Variants in DUOX1 observed in about 807,000 individuals in gnomAD.
DUOX1 encodes the protein dual oxidase 1.
DUOX1 carries 134 observed loss-of-function variants against 181.8 expected under a neutral mutation model. The ratio of observed to expected loss-of-function variants is 0.74; its 90% CI spans 0.64 to 0.85. The LOEUF (loss-of-function observed/expected upper bound fraction) is 0.85, where lower values mean the gene tolerates loss of function less well. Ranked by LOEUF, DUOX1 falls within the 40% of genes least tolerant of loss-of-function variation. The pLI, the probability that DUOX1 is intolerant of heterozygous loss-of-function variation, is 0.00. For synonymous variants in DUOX1, 798 were observed against 832.5 expected, an observed-to-expected ratio of 0.96 and a Z score of 0.71; for missense variants, 1,814 against 2,064.4, an observed-to-expected ratio of 0.88 and a Z score of 2.35.
chr15:45,159,622 T>C (rs1260900291), intron 28 of DUOX1, among the ~76,000 whole-genome samples: 1 of 152,114 alleles, frequency 6.6e-6, no homozygotes, highest in Non-Finnish European at 1.5e-5. Flanking sequence ...ACAAACTTAT[T>C]AGGGAAAGGA....
intron 12 of DUOX1, 94 bp downstream of exon 12, chr15:45,139,693 A>C: frequency 7.3e-7 from 1 of 1,365,288 alleles, no homozygotes; most frequent in Non-Finnish European, 9.8e-7. Flanking sequence ...TGAGCACAAG[A>C]GACAAGCACC....
At chr15:45,161,415 CA>C (rs35506541) in intron 29 of DUOX1, among the ~76,000 whole-genome samples, 1,729 of 47,748 alleles carry the variant, frequency 0.036, 11 homozygotes, top group African/African-American at 0.084. Flanking sequence ...GAGACTGTGT[CA>C]AAAAAAAAAA....
rs368334373 is a variant in DUOX1, at chr15:45,162,351, G to A, written c.4222G>A (p.Val1408Ile). 5.1e-5 allele frequency: 83 copies of A among 1,613,890 alleles called. No homozygotes were observed. Among genetic ancestry groups the A allele is most frequent in the East Asian group, 6.7e-5 (3 of 44,882 alleles). The part of the protein sequence containing the change: ...ILKDLVFKSS[V>I]SCQVFCKKIY... ...CAAAGACCTGGTCTTCAAGTCATCC[G>A]TCAGCTGCCAAGTGTTCTGTAAGAA... is the stretch of plus-strand genomic sequence containing the variant. The change falls in exon 31 of 34, where the codon GTC (valine) becomes ATC (isoleucine). Residue 1408 changes from valine (V) to isoleucine (I), a missense_variant. This residue lies in a region of DUOX1 where 279 missense variants were observed against 381.9 expected (regional missense o/e 0.73). Transcript: ENST00000389037.
chr15:45,139,010 C>G (rs1453331768), intron 10 of DUOX1, 56 bp from the exon 11 acceptor site: 1 of 1,513,076 alleles, frequency 6.6e-7, no homozygotes, highest in Non-Finnish European at 9.0e-7. Context: ...AGCCGGCTGT[C>G]TAACCTCTGA....
In DUOX1 at chr15:45,135,634, C is replaced by T. The variant is rs202192396; in HGVS notation, c.656C>T (p.Pro219Leu). 347 of 1,545,750 alleles carry T rather than the reference C, an allele frequency of 2.2e-4. 1 individual carries two copies. The highest frequency in any genetic ancestry group is 2.9e-4 in the Non-Finnish European group (327 of 1,146,024). Reference sequence around the variant, plus strand: ...AACCCCCTGCTCATGTGGGCGGCGCCCGACCCCGCCACCGGGCAGAACGGG... The same window carrying T: ...AACCCCCTGCTCATGTGGGCGGCGCTCGACCCCGCCACCGGGCAGAACGGG... ...SQNPLLMWAA[P>L]DPATGQNGPR... The change falls in exon 6 of 34, where the codon CCC (proline) becomes CTC (leucine). Residue 219 changes from proline to leucine, a missense_variant. By Grantham distance (98) the Pro-to-Leu change is moderately conservative. Coordinates refer to ENST00000389037, the MANE Select transcript of DUOX1 (RefSeq NM_175940.3).
rs1896417247 is a variant in DUOX1 at position 45,139,035 on chromosome 15, C to A, written c.1114-31C>A. 1.9e-6 allele frequency: 3 copies of A among 1,599,252 alleles called. No individual in the cohort carries two copies. In the African/African-American group the frequency reaches 4.0e-5, roughly 21 times the overall value. ...CTAACCTCTGACCCCATTAACCACACCCCTTTCCTCCCCACCCCCAACCTA... is the reference window on the plus strand; with the variant it reads ...CTAACCTCTGACCCCATTAACCACAACCCTTTCCTCCCCACCCCCAACCTA... On this transcript the variant is annotated intron_variant, in intron 10 of 33. Transcript: ENST00000389037.
At chr15:45,141,755 T>C (rs897567771) in intron 14 of DUOX1, among the ~76,000 whole-genome samples, 14 of 36,300 alleles carry the variant, frequency 3.9e-4, no homozygotes, top group African/African-American at 1.5e-3. Flanking sequence ...GGGAAGCGTG[T>C]GTGTGTGTGT....
chr15:45,164,170 C>G (rs1447921384), intron 33 of DUOX1, among the ~76,000 whole-genome samples: 2 of 152,058 alleles, frequency 1.3e-5, no homozygotes, highest in Non-Finnish European at 2.9e-5. Flanking sequence ...AATCATTGAG[C>G]TAGTCCTCGC....
intron 33 of DUOX1, among the ~76,000 whole-genome samples, chr15:45,164,137 G>GTA (rs1897172670): frequency 2.6e-5 from 4 of 152,172 alleles, no homozygotes; most frequent in Admixed American, 2.6e-4. Flanking sequence ...AAGCCAAGAT[G>GTA]TATTGTCCAG....
rs767675930 is a variant in DUOX1, at chr15:45,136,403, G to A, written c.918G>A (p.Glu306=). ...LPSFLQKTLP[E]YTGYRPFLDP... ...GCTTCCTGCAGAAAACACTCCCGGA[G>A]TATACAGGTGAGGGAGCGGGGAAGG... The change falls in exon 8 of 34, where the codon GAG becomes GAA. Residue 306 remains glutamate, a synonymous_variant. Coordinates refer to ENST00000389037, the MANE Select transcript of DUOX1 (RefSeq NM_175940.3). 9.9e-6 allele frequency: 16 copies of A among 1,614,004 alleles called. No individual in the cohort carries two copies. The highest frequency in any genetic ancestry group is 4.0e-5 in the African/African-American group (3 of 74,922).
At chr15:45,151,617 G>T (rs1896805565) in intron 23 of DUOX1, among the ~76,000 whole-genome samples, 2 of 152,136 alleles carry the variant, frequency 1.3e-5, no homozygotes, top group Non-Finnish European at 2.9e-5. Flanking sequence ...GAGTGTGAAT[G>T]AACACAGGTA....
At chr15:45,151,554 G>A (rs1896803404) in intron 23 of DUOX1, among the ~76,000 whole-genome samples, 2 of 152,168 alleles carry the variant, frequency 1.3e-5, no homozygotes, top group African/African-American at 4.8e-5. Flanking sequence ...AGTAAAGGCT[G>A]AATATGGGCG....
chr15:45,162,177 G>T (rs1423377509), intron 30 of DUOX1, 42 bp from the exon 31 acceptor site: 1 of 1,579,208 alleles, frequency 6.3e-7, no homozygotes, highest in Non-Finnish European at 8.6e-7. Flanking sequence ...CCGATCTATG[G>T]TGGTGGCCAA....
intron 23 of DUOX1, 82 bp downstream of exon 23, chr15:45,151,330 T>C (rs921576834): frequency 1.9e-6 from 3 of 1,539,970 alleles, no homozygotes; most frequent in African/African-American, 2.7e-5. Context: ...TGCCAGGCAC[T>C]GTGCTAAACA....
chr15:45,145,039 A>G lies in DUOX1; in HGVS notation c.2281A>G (p.Arg761Gly). 1 of 1,613,018 alleles carries G rather than the reference A, an allele frequency of 6.2e-7. No individual in the cohort carries two copies. The highest frequency in any genetic ancestry group is 8.5e-7 in the Non-Finnish European group (1 of 1,179,574). Residue 761 changes from arginine to glycine, a missense_variant, in exon 18 of 34, where the codon AGG becomes GGG. Physicochemically the swap from Arg to Gly is moderately radical, Grantham distance 125 (BLOSUM62 -2). Around this residue, in one of 5 missense-constraint regions of DUOX1, gnomAD observed 1,064 missense variants for 1,152.9 expected, o/e 0.92. Coordinates refer to ENST00000389037, the MANE Select transcript of DUOX1 (RefSeq NM_175940.3). ...AGCAGCTGTGACACGGGAGCAGCGGAGGCACCTCCTGGAGACCTTTTTCAG... is the reference window on the plus strand; with the variant it reads ...AGCAGCTGTGACACGGGAGCAGCGGGGGCACCTCCTGGAGACCTTTTTCAG... ...MRAAVTREQR[R>G]HLLETFFRHL...
Position 45,152,408 on chromosome 15 carries a change from C to T in DUOX1, c.3316C>T (p.Arg1106Cys), listed in dbSNP as rs766696430. The T allele has an allele frequency of 6.2e-7, 1 of 1,614,202 alleles. No homozygotes were observed. The highest frequency in any genetic ancestry group is 1.1e-5 in the South Asian group (1 of 91,078). ...CTCCTACATCTTGCTCACCATGTGCCGCAACCTCATCACCTTCCTGCGAGA... is the reference window on the plus strand; with the variant it reads ...CTCCTACATCTTGCTCACCATGTGCTGCAACCTCATCACCTTCCTGCGAGA... ...MFSYILLTMC[R>C]NLITFLRETF... Residue 1106 changes from arginine (R) to cysteine (C), a missense_variant, in exon 25 of 34, where the codon CGC becomes TGC. This residue lies in a region of DUOX1 where 1,064 missense variants were observed against 1,152.9 expected (regional missense o/e 0.92). Transcript: ENST00000389037.
In DUOX1 at chr15:45,132,004, T is replaced by C; in HGVS notation, c.38T>C (p.Val13Ala). Reference protein sequence around the residue: ...FCLALAWTLLVGAWTPLGAQN... With the variant: ...FCLALAWTLLAGAWTPLGAQN... ...CTGGCTCTAGCATGGACACTTCTGG[T>C]TGGGGCATGGACCCCTCTGGGTGAG... The change falls in exon 2 of 34, where the codon GTT becomes GCT. Residue 13 changes from valine (V) to alanine (A), a missense_variant. Physicochemically the swap from Val to Ala is moderately conservative, Grantham distance 64 (BLOSUM62 0). Transcript: ENST00000389037. 2 of 1,613,512 alleles carry C rather than the reference T, an allele frequency of 1.2e-6. No homozygotes were observed. Among genetic ancestry groups the C allele is most frequent in the Non-Finnish European group, 1.7e-6 (2 of 1,179,816 alleles).
At chr15:45,150,521 G>C (rs1896772592) in intron 21 of DUOX1, 111 bp from the exon 22 acceptor site, 4 of 1,025,534 alleles carry the variant, frequency 3.9e-6, no homozygotes, top group Non-Finnish European at 4.5e-6. Flanking sequence ...CCATTGGTCT[G>C]GGACTGTCTA....
At position 45,135,457 on chromosome 15, in the gene DUOX1, C is replaced by T. The variant is rs528816660; in HGVS notation, c.496-17C>T. 28 of 1,545,750 alleles carry T rather than the reference C, an allele frequency of 1.8e-5. No homozygotes were observed. The African/African-American group carries it at 3.4e-4, about 19-fold the overall frequency. On this transcript the variant is annotated splice_polypyrimidine_tract_variant and intron_variant, in intron 5 of 33. Coordinates refer to ENST00000389037, the MANE Select transcript of DUOX1 (RefSeq NM_175940.3). ...CGCCGCCCATCGACCCGGGCTCACC[C>T]GCCGCGTGCCCCGCAGGCCAACCAG...
Sources: gnomAD v4.1 joint callset for allele counts (sites outside exome capture counted in the v4.1 genomes callset) on GRCh38, gnomAD v4.1.1 for gene constraint, gnomAD v4.1.1 regional missense constraint, MANE v1.5 for transcripts, NCBI Gene and HGNC (gene_info 2026-07-23, HGNC 2026-07-21) for gene names.